The following ROPN1L variants were observed in gnomAD, a reference collection of about 807,000 sequenced individuals.
The protein encoded by ROPN1L is ropporin-1-like protein.
ROPN1L carries 23 observed loss-of-function variants against 22.7 expected under a neutral mutation model. That is an observed-to-expected ratio of 1.01 (90% confidence interval 0.73 to 1.43). The LOEUF is 1.43. ROPN1L is among the 40% of genes most tolerant of loss of function. The pLI is 0.00. For synonymous variants in ROPN1L, 116 were observed against 117.8 expected, an observed-to-expected ratio of 0.98 and a Z score of 0.10; for missense variants, 271 against 291.5, an observed-to-expected ratio of 0.93 and a Z score of 0.51.
intron 3 of ROPN1L, among the ~76,000 whole-genome samples, chr5:10,452,399 C>T (rs973884221): frequency 2.8e-5 from 4 of 144,790 alleles, no homozygotes; most frequent in Non-Finnish European, 6.0e-5. Context: ...TGCAGTGGTG[C>T]GATCTGGGCT....
At chr5:10,477,838 G>A in the ROPN1L span, among the ~76,000 whole-genome samples, 3 of 152,150 alleles carry the variant, frequency 2.0e-5, no homozygotes, top group Admixed American at 2.0e-4. Flanking sequence ...GCTGAGACAG[G>A]AGAATCACTT....
At chr5:10,442,919 G>C (rs1450812230) in intron 1 of ROPN1L, among the ~76,000 whole-genome samples, 1 of 152,218 alleles carries the variant, frequency 6.6e-6, no homozygotes, top group African/African-American at 2.4e-5. Context: ...ACAGATCTTA[G>C]AGGCATTAAA....
intron 1 of ROPN1L, among the ~76,000 whole-genome samples, chr5:10,446,697 C>A (rs1741077259): frequency 2.0e-5 from 3 of 150,152 alleles, no homozygotes. Flanking sequence ...TGCCAAATGC[C>A]TTTTGGCTGG....
intron 2 of ROPN1L, among the ~76,000 whole-genome samples, chr5:10,449,452 G>A (rs1298280794): frequency 6.6e-6 from 1 of 152,188 alleles, no homozygotes; most frequent in African/African-American, 2.4e-5. Flanking sequence ...CTGGGAGGTG[G>A]AGGTTGCAGT....
At chr5:10,481,720 G>A in the ROPN1L span, among the ~76,000 whole-genome samples, 4 of 152,200 alleles carry the variant, frequency 2.6e-5, no homozygotes, top group South Asian at 2.1e-4. Flanking sequence ...ATGCTGCCGC[G>A]CAGTGAATTT....
chr5:10,444,999 G>A (rs1271143397), intron 1 of ROPN1L, among the ~76,000 whole-genome samples: 1 of 152,114 alleles, frequency 6.6e-6, no homozygotes, highest in Non-Finnish European at 1.5e-5. Context: ...TTTTTAGATA[G>A]AGTCTTTTTC....
intron 1 of ROPN1L, among the ~76,000 whole-genome samples, chr5:10,443,717 A>C (rs571006376): frequency 9.9e-5 from 15 of 151,968 alleles, no homozygotes; most frequent in African/African-American, 3.4e-4. Context: ...CAAGGTGTTG[A>C]CAGGGCTTTG....
downstream of ROPN1L, among the ~76,000 whole-genome samples, chr5:10,476,930 G>A (rs1449455459): frequency 6.6e-6 from 1 of 152,182 alleles, no homozygotes; most frequent in Non-Finnish European, 1.5e-5. Context: ...CATTTGGCTC[G>A]AGTCTATCAG....
intron 3 of ROPN1L, among the ~76,000 whole-genome samples, chr5:10,456,306 G>A (rs780470701): frequency 2.6e-5 from 4 of 152,198 alleles, no homozygotes; most frequent in Non-Finnish European, 5.9e-5. Flanking sequence ...GACCAACATA[G>A]TGAAACCCCC....
the ROPN1L span, among the ~76,000 whole-genome samples, chr5:10,480,512 G>A: frequency 9.2e-5 from 14 of 151,996 alleles, no homozygotes; most frequent in African/African-American, 2.2e-4. Context: ...TTGAGACTGC[G>A]TGTGCTTGGG....
At chr5:10,442,501 G>A (rs1740919126) in intron 1 of ROPN1L, among the ~76,000 whole-genome samples, 1 of 152,220 alleles carries the variant, frequency 6.6e-6, no homozygotes, top group South Asian at 2.1e-4. Context: ...TATGAGACCC[G>A]AAATCATTGC....
chr5:10,476,718 A>G (rs1011596357), downstream of ROPN1L, among the ~76,000 whole-genome samples: 2 of 152,282 alleles, frequency 1.3e-5, no homozygotes, highest in Admixed American at 1.3e-4. Flanking sequence ...CATTAAAACA[A>G]AGACATGAAA....
intron 3 of ROPN1L, among the ~76,000 whole-genome samples, chr5:10,455,255 G>A (rs1310940932): frequency 2.6e-5 from 4 of 152,168 alleles, no homozygotes; most frequent in African/African-American, 9.7e-5. Flanking sequence ...CTTACTCCTC[G>A]CTGCTGTTTC....
At chr5:10,464,748 T>C in intron 4 of ROPN1L, 100 bp from the exon 5 acceptor site, 2 of 684,900 alleles carry the variant, frequency 2.9e-6, no homozygotes, top group Non-Finnish European at 4.8e-6. Context: ...TAAATAGTTT[T>C]TAAAAGTAGA....
chr5:10,474,117 A>G (rs549562430), downstream of ROPN1L, among the ~76,000 whole-genome samples: 2 of 150,470 alleles, frequency 1.3e-5, no homozygotes, highest in African/African-American at 4.9e-5. Flanking sequence ...GCACCACTGC[A>G]CTCCAGCTTG....
intron 3 of ROPN1L, among the ~76,000 whole-genome samples, chr5:10,456,094 G>A (rs903126999): frequency 2.0e-5 from 3 of 152,224 alleles, no homozygotes; most frequent in Non-Finnish European, 2.9e-5. Context: ...TTGGCATGCC[G>A]AAAATGCCCG....
chr5:10,462,067 A>G (rs1735042395), intron 4 of ROPN1L, among the ~76,000 whole-genome samples: 1 of 152,066 alleles, frequency 6.6e-6, no homozygotes, highest in Non-Finnish European at 1.5e-5. Context: ...GCCAATAGTG[A>G]TCACCTAAGC....
chr5:10,445,723 C>G (rs62364292), intron 1 of ROPN1L, among the ~76,000 whole-genome samples: 2 of 152,042 alleles, frequency 1.3e-5, no homozygotes, highest in African/African-American at 2.4e-5. Context: ...CTCAGGAGCT[C>G]GAGACCAGCC....
chr5:10,467,272 T>C (rs533084920), downstream of ROPN1L, among the ~76,000 whole-genome samples: 221 of 114,848 alleles, frequency 1.9e-3, no homozygotes, highest in African/African-American at 7.3e-3. Context: ...GAAATGTAAA[T>C]AGAAAAAAAA....
Sources: gnomAD v4.1 joint callset for allele counts (sites outside exome capture counted in the v4.1 genomes callset) on GRCh38, gnomAD v4.1.1 for gene constraint, MANE v1.5 for transcripts, NCBI Gene and HGNC (gene_info 2026-07-23, HGNC 2026-07-21) for gene names.